PDE11A: variants seen among roughly 807,000 people sequenced by gnomAD.
The protein encoded by PDE11A is dual 3',5'-cyclic-AMP and -GMP phosphodiesterase 11A.
In PDE11A, 100 loss-of-function variants were observed where a neutral mutation model predicts 100.5. That is an observed-to-expected ratio of 1.00 (90% CI 0.85 to 1.18). The LOEUF is 1.18. Among genes scored for constraint, PDE11A ranks in the 50% most tolerant of loss-of-function variants. The pLI, the probability that PDE11A is intolerant of heterozygous loss-of-function variation, is 0.00. For synonymous variants in PDE11A, 381 were observed against 420.8 expected (o/e 0.91, Z 1.16); for missense variants, 1,141 against 1,152.6 (o/e 0.99, Z 0.15).
intron 15 of PDE11A, among the ~76,000 whole-genome samples, chr2:177,690,126 G>T (rs1431381917): frequency 2.0e-5 from 3 of 152,144 alleles, no homozygotes; most frequent in Non-Finnish European, 4.4e-5. Flanking sequence ...ATATCATATG[G>T]ATGGGGATAT....
chr2:177,996,986 G>T (rs1353550084), intron 2 of PDE11A, among the ~76,000 whole-genome samples: 1 of 152,162 alleles, frequency 6.6e-6, no homozygotes, highest in African/African-American at 2.4e-5. Flanking sequence ...TATTGCAGAC[G>T]AAGCATCCAA....
At chr2:178,101,434 T>C (rs1273199899) in intron 2 of PDE11A, among the ~76,000 whole-genome samples, 1 of 152,176 alleles carries the variant, frequency 6.6e-6, no homozygotes, top group Non-Finnish European at 1.5e-5. Context: ...GAGTTCCAGT[T>C]GAAAGTGTCT....
intron 3 of PDE11A, chr2:177,899,472 T>A: frequency 4.2e-6 from 1 of 237,808 alleles, no homozygotes; most frequent in Non-Finnish European, 9.1e-6. Flanking sequence ...AAATAATGAA[T>A]ACCTCCAAAG....
At chr2:177,702,141 G>T (rs1053886169) in intron 13 of PDE11A, among the ~76,000 whole-genome samples, 7 of 152,050 alleles carry the variant, frequency 4.6e-5, no homozygotes, top group African/African-American at 1.4e-4. Flanking sequence ...TGAGTTATCT[G>T]TAAATTTCAT....
At chr2:177,748,203 ATAAT>A (rs2081979787) in intron 10 of PDE11A, among the ~76,000 whole-genome samples, 1 of 152,228 alleles carries the variant, frequency 6.6e-6, no homozygotes, top group African/African-American at 2.4e-5. Context: ...GATATGATAA[ATAAT>A]TTATTTAAGA....
chr2:177,701,982 GAAC>G (rs1280930935), intron 13 of PDE11A, among the ~76,000 whole-genome samples: 1 of 152,224 alleles, frequency 6.6e-6, no homozygotes, highest in Admixed American at 6.5e-5. Flanking sequence ...TTATTTATGA[GAAC>G]AATAAAATAT....
intron 10 of PDE11A, among the ~76,000 whole-genome samples, chr2:177,757,237 T>C (rs1051933078): frequency 7.2e-5 from 11 of 152,172 alleles, no homozygotes; most frequent in African/African-American, 2.7e-4. Flanking sequence ...ATGTTTATTT[T>C]CCAGATGACT....
chr2:177,901,254 C>A (rs182961971), intron 3 of PDE11A, among the ~76,000 whole-genome samples: 3 of 152,152 alleles, frequency 2.0e-5, no homozygotes, highest in Admixed American at 1.3e-4. Context: ...GTGACCCCCC[C>A]CATCCATGAG....
chr2:178,074,117 C>A (rs970590608), upstream of PDE11A, among the ~76,000 whole-genome samples: 1 of 152,082 alleles, frequency 6.6e-6, no homozygotes, highest in East Asian at 1.9e-4. Flanking sequence ...TGAAAGAAGC[C>A]ACTCACAAAT....
At chr2:177,836,283 A>G (rs1042446541) in intron 6 of PDE11A, among the ~76,000 whole-genome samples, 1 of 151,870 alleles carries the variant, frequency 6.6e-6, no homozygotes, top group Non-Finnish European at 1.5e-5. Context: ...GAGAACCTTT[A>G]TGTCTAGCTA....
intron 2 of PDE11A, among the ~76,000 whole-genome samples, chr2:177,937,638 T>A (rs920298811): frequency 1.3e-5 from 2 of 152,174 alleles, no homozygotes; most frequent in African/African-American, 4.8e-5. Context: ...AAGATATGAC[T>A]CTTTTCTTGT....
At chr2:177,921,873 A>T (rs771919091) in intron 2 of PDE11A, 2 of 152,214 alleles carry the variant, frequency 1.3e-5, no homozygotes, top group Non-Finnish European at 2.9e-5. Context: ...ACTAAACTCA[A>T]AAGTATCTAC....
intron 2 of PDE11A, among the ~76,000 whole-genome samples, chr2:177,915,441 C>A (rs576996200): frequency 6.6e-6 from 1 of 152,286 alleles, no homozygotes; most frequent in South Asian, 2.1e-4. Flanking sequence ...GTTGGAACCA[C>A]GCAGTATATA....
At chr2:178,027,016 A>G (rs1355570923) in intron 1 of PDE11A, among the ~76,000 whole-genome samples, 3 of 152,202 alleles carry the variant, frequency 2.0e-5, no homozygotes, top group Non-Finnish European at 4.4e-5. Flanking sequence ...ATACTATAGT[A>G]TTAATCATTT....
intron 10 of PDE11A, among the ~76,000 whole-genome samples, chr2:177,762,179 T>C (rs17400834): frequency 0.11 from 16,392 of 152,100 alleles, 1,155 homozygotes; most frequent in South Asian, 0.17. Flanking sequence ...GACCCCATGA[T>C]GACTGTACAA....
Position 177,740,888 on chromosome 2 carries a change from G to T in PDE11A, c.1789-12716C>A, listed in dbSNP as rs1386240816. The stretch of plus-strand genomic sequence containing the variant: ...TCATGGCAAGTAATTAATAAATGTG[G>T]GTTGGTGGGATGCCAAGTGCATAAC... On this transcript the variant is annotated intron_variant, in intron 10 of 19. Coordinates refer to ENST00000286063, the MANE Select transcript of PDE11A (RefSeq NM_016953.4). Among the ~76,000 whole-genome samples, 3 of 152,156 alleles carry T rather than the reference G, an allele frequency of 2.0e-5. No individual in the cohort carries two copies. The East Asian group carries it at 5.8e-4, about 29-fold the overall frequency.
At chr2:178,044,329 C>CA (rs1467308642) in intron 1 of PDE11A, among the ~76,000 whole-genome samples, 1 of 79,192 alleles carries the variant, frequency 1.3e-5, no homozygotes, top group African/African-American at 4.6e-5. Flanking sequence ...CCATATTTTC[C>CA]AAAAACAGAA....
At chr2:177,652,901 T>G (rs371717889) in intron 19 of PDE11A, among the ~76,000 whole-genome samples, 2 of 152,254 alleles carry the variant, frequency 1.3e-5, no homozygotes, top group African/African-American at 4.8e-5. Context: ...GCATCTATTC[T>G]TTCATATTGG....
intron 2 of PDE11A, among the ~76,000 whole-genome samples, chr2:177,964,135 TTC>T (rs2085668606): frequency 8.8e-6 from 1 of 113,882 alleles, no homozygotes; most frequent in African/African-American, 3.3e-5. Context: ...TTTATTTTAT[TTC>T]TGTTTTGTTT....
Sources: gnomAD v4.1 joint callset for allele counts (sites outside exome capture counted in the v4.1 genomes callset) on GRCh38, gnomAD v4.1.1 for gene constraint, MANE v1.5 for transcripts, NCBI Gene and HGNC (gene_info 2026-07-23, HGNC 2026-07-21) for gene names.